The following NADSYN1 variants were observed in gnomAD, a reference collection of about 807,000 sequenced individuals.
NADSYN1 encodes glutamine-dependent NAD(+) synthetase.
NADSYN1 carries 80 observed loss-of-function variants against 99.3 expected under a neutral mutation model. The ratio of observed to expected loss-of-function variants is 0.81; its 90% CI spans 0.67 to 0.97. NADSYN1 has a LOEUF of 0.97. Among genes scored for constraint, NADSYN1 ranks in the 50% least tolerant of loss-of-function variants. NADSYN1 has a pLI of 0.00. For synonymous variants in NADSYN1, 385 were observed against 372.1 expected, an observed-to-expected ratio of 1.03 and a Z score of -0.40; for missense variants, 859 against 948.5, an observed-to-expected ratio of 0.91 and a Z score of 1.24.
At chr11:71,480,054 A>G (rs1206224002) in intron 10 of NADSYN1, 1 of 152,228 alleles carries the variant, frequency 6.6e-6, no homozygotes, top group Admixed American at 6.5e-5. Flanking sequence ...ACAAACATAC[A>G]TGTACTTCTG....
At chr11:71,488,960 C>G (rs1949761761) in intron 16 of NADSYN1, among the ~76,000 whole-genome samples, 2 of 151,994 alleles carry the variant, frequency 1.3e-5, no homozygotes, top group Non-Finnish European at 2.9e-5. Flanking sequence ...GAGCAGGTGA[C>G]CAGGCAGGAG....
At chr11:71,492,530 C>T (rs1015702819) in intron 18 of NADSYN1, among the ~76,000 whole-genome samples, 2 of 152,198 alleles carry the variant, frequency 1.3e-5, no homozygotes, top group Admixed American at 1.3e-4. Context: ...AAAGGATGAT[C>T]CTTTCCCCCA....
At chr11:71,485,499 C>A (rs1346701819) in intron 15 of NADSYN1, 43 bp from the exon 16 acceptor site, 4 of 1,469,568 alleles carry the variant, frequency 2.7e-6, no homozygotes, top group Non-Finnish European at 3.7e-6. Context: ...CCCCCGTGTT[C>A]CTTTGCAAGG....
chr11:71,464,022 G>A (rs150126660), intron 4 of NADSYN1, 31 bp from the exon 5 acceptor site: 26 of 1,561,586 alleles, frequency 1.7e-5, no homozygotes, highest in East Asian at 1.1e-4. Flanking sequence ...TCAGGAGCCC[G>A]GTGTGCACAG....
intron 20 of NADSYN1, chr11:71,498,730 A>G: frequency 1.9e-6 from 1 of 519,942 alleles, no homozygotes. Context: ...CTATATATTG[A>G]TGGTGTCCAA....
chr11:71,470,625 C>T (rs927190280), intron 5 of NADSYN1, among the ~76,000 whole-genome samples: 9 of 152,188 alleles, frequency 5.9e-5, no homozygotes, highest in African/African-American at 1.9e-4. Context: ...GCTTAGGTGC[C>T]GTGGGATGTC....
At chr11:71,486,200 G>T (rs893852185) in intron 16 of NADSYN1, among the ~76,000 whole-genome samples, 1 of 152,166 alleles carries the variant, frequency 6.6e-6, no homozygotes, top group Non-Finnish European at 1.5e-5. Flanking sequence ...CTCTCAGCTC[G>T]TCTGTGCTGT....
rs530806887 is a variant in NADSYN1 at position 71,474,250 on chromosome 11, C to T, written c.667-145C>T. 50 of 1,062,984 alleles carry T rather than the reference C, an allele frequency of 4.7e-5. No homozygotes were observed. The African/African-American group carries it at 6.4e-4, about 14-fold the overall frequency. The allele number at this position is 1,062,984 out of a possible 1,614,324, so 65.8% of individuals were successfully genotyped here. A position where few individuals can be genotyped will look rare whatever the true frequency, so the allele number is the denominator to read the frequency against. Reference sequence around the variant, plus strand: ...CCGCAGCTTCACAGGTCTGTGCTTCCCCACACATATGCGTTATCTCTGCGG... The same window carrying T: ...CCGCAGCTTCACAGGTCTGTGCTTCTCCACACATATGCGTTATCTCTGCGG... On this transcript the variant is annotated intron_variant, in intron 8 of 20. Coordinates refer to ENST00000319023, the MANE Select transcript of NADSYN1 (RefSeq NM_018161.5).
chr11:71,463,850 C>T (rs1233020669), intron 4 of NADSYN1, among the ~76,000 whole-genome samples: 1 of 152,218 alleles, frequency 6.6e-6, no homozygotes, highest in African/African-American at 2.4e-5. Context: ...GCTGCTTCAT[C>T]GTTGACGGTC....
chr11:71,455,863 C>T (rs191021216), intron 2 of NADSYN1, among the ~76,000 whole-genome samples: 27 of 152,340 alleles, frequency 1.8e-4, no homozygotes, highest in Non-Finnish European at 2.5e-4. Flanking sequence ...CATAGGTTAT[C>T]GTTTCTTATA....
Position 71,455,004 on chromosome 11 carries a change from G to GT in NADSYN1, c.86-103dup. ...AAGGCACAGAGCATTTTTGTTTGTT[G>GT]TTTGTTTTTTTTTTTATCCTACCTA... On this transcript the variant is annotated intron_variant, in intron 1 of 20. Transcript: ENST00000319023. 1.6e-5 allele frequency: 12 copies of GT among 764,962 alleles called. No individual in the cohort carries two copies. In the South Asian group the frequency reaches 1.9e-4, roughly 12 times the overall value. 47.4% of individuals were successfully genotyped at this position (764,962 alleles called of 1,614,324 possible).
chr11:71,501,279 G>A (rs757707845), intron 20 of NADSYN1, 23 bp from the exon 21 acceptor site: 43 of 1,546,748 alleles, frequency 2.8e-5, no homozygotes, highest in Non-Finnish European at 3.7e-5. Flanking sequence ...CGGGGCTGTG[G>A]TGTCACAGGC....
intron 9 of NADSYN1, chr11:71,475,645 C>T (rs1162596164): frequency 5.2e-6 from 1 of 192,584 alleles, no homozygotes; most frequent in Non-Finnish European, 1.1e-5. Context: ...GCCATGGAGG[C>T]AAACTTCCTC....
intron 3 of NADSYN1, chr11:71,458,802 C>T (rs1949529843): frequency 4.9e-6 from 2 of 404,930 alleles, no homozygotes; most frequent in African/African-American, 2.0e-5. Flanking sequence ...GCAGACTCTG[C>T]ACAAAGGGGA....
chr11:71,477,143 C>T (rs1355461071), intron 9 of NADSYN1: 12 of 1,139,444 alleles, frequency 1.1e-5, no homozygotes, highest in Admixed American at 8.8e-5. Flanking sequence ...TCACCCCCGT[C>T]GGGCCCGCGT....
At chr11:71,482,154 C>A in intron 13 of NADSYN1, 129 bp downstream of exon 13, 1 of 775,276 alleles carries the variant, frequency 1.3e-6, no homozygotes, top group Non-Finnish European at 2.1e-6. Flanking sequence ...GCTTTGTGGC[C>A]ACGCACAAAT....
chr11:71,472,510 T>C lies in NADSYN1; in HGVS notation c.459+10T>C. ...GGACCTGACAAAGCAGGTGAGTCCC[T>C]GGGTGTGGAGCCCGTTTTTCAGTCG... is the stretch of plus-strand genomic sequence containing the variant. On this transcript the variant is annotated intron_variant, in intron 6 of 20. Coordinates refer to ENST00000319023, the MANE Select transcript of NADSYN1 (RefSeq NM_018161.5). 6.2e-7 allele frequency: 1 copy of C among 1,612,226 alleles called. No individual in the cohort carries two copies.
At chr11:71,497,389 C>G (rs1949827051) in intron 18 of NADSYN1, 94 bp from the exon 19 acceptor site, 1 of 1,541,908 alleles carries the variant, frequency 6.5e-7, no homozygotes, top group Non-Finnish European at 8.9e-7. Flanking sequence ...AGTATTGCCT[C>G]CTTGGTCTCT....
At chr11:71,485,744 A>C (rs909025596) in intron 16 of NADSYN1, 96 bp downstream of exon 16, 25 of 952,046 alleles carry the variant, frequency 2.6e-5, no homozygotes, top group Admixed American at 2.5e-4. Flanking sequence ...TGTGCCTTTC[A>C]TGGCGGGTTT....
Sources: gnomAD v4.1 joint callset for allele counts (sites outside exome capture counted in the v4.1 genomes callset) on GRCh38, gnomAD v4.1.1 for gene constraint, MANE v1.5 for transcripts, NCBI Gene and HGNC (gene_info 2026-07-23, HGNC 2026-07-21) for gene names.